Variants in SCYL2 observed in about 807,000 individuals in gnomAD.
SCYL2 encodes SCY1-like protein 2.
A neutral mutation model predicts 100.4 loss-of-function variants in SCYL2; 36 were observed. That is an observed-to-expected ratio of 0.36 (90% CI 0.27 to 0.47). SCYL2 has a LOEUF of 0.47. Among genes scored for constraint, SCYL2 ranks in the 20% least tolerant of loss-of-function variants. The probability of loss-of-function intolerance (pLI) is 1.00; values close to 1 mark genes in which losing one functional copy is unlikely to be tolerated. For missense variants in SCYL2, 902 were observed against 1,083.9 expected (o/e 0.83, Z 2.36); for synonymous variants, 330 against 359.2 (o/e 0.92, Z 0.92).
At chr12:100,267,853 GC>G (rs1207286972) in intron 1 of SCYL2, 61 bp downstream of exon 1, 1 of 152,784 alleles carries the variant, frequency 6.5e-6, no homozygotes, top group African/African-American at 2.4e-5. Flanking sequence ...ACCAGCCAGG[GC>G]CCTGCCGCCC....
intron 4 of SCYL2, among the ~76,000 whole-genome samples, chr12:100,301,295 T>G (rs1592946335): frequency 6.6e-6 from 1 of 152,250 alleles, no homozygotes; most frequent in Non-Finnish European, 1.5e-5. Flanking sequence ...TTTGTATGTC[T>G]TCTTTTGAGA....
chr12:100,290,742 G>C (rs1485912120), intron 2 of SCYL2, among the ~76,000 whole-genome samples: 1 of 152,092 alleles, frequency 6.6e-6, no homozygotes, highest in Non-Finnish European at 1.5e-5. Context: ...TTCGTTTCCA[G>C]TTTATTTTGC....
chr12:100,267,223 C>A lies in SCYL2; in HGVS notation c.-598C>A. On this transcript the variant is annotated 5_prime_UTR_variant, in exon 1 of 18. Transcript: ENST00000360820. Reference sequence around the variant, plus strand: ...CTCTTCGTCCCCGGTCCCTCCCCTCCCCACCCCTTTCCTTCTAGCTCCGAC... The same window carrying A: ...CTCTTCGTCCCCGGTCCCTCCCCTCACCACCCCTTTCCTTCTAGCTCCGAC... The A allele has an allele frequency of 1.2e-6, 1 of 832,904 alleles. No individual in the cohort carries two copies. Among genetic ancestry groups the A allele is most frequent in the Non-Finnish European group, 1.8e-6 (1 of 550,682 alleles). 51.6% of individuals were successfully genotyped at this position (832,904 alleles called of 1,614,324 possible). A position where few individuals can be genotyped will look rare whatever the true frequency, so the allele number is the denominator to read the frequency against.
chr12:100,300,131 A>G (rs1205938805), intron 4 of SCYL2, among the ~76,000 whole-genome samples: 4 of 152,100 alleles, frequency 2.6e-5, no homozygotes, highest in African/African-American at 7.2e-5. Context: ...GCATCTTTTC[A>G]TATGCTTCTT....
At chr12:100,311,817 T>C (rs921393435) in intron 5 of SCYL2, among the ~76,000 whole-genome samples, 1 of 152,164 alleles carries the variant, frequency 6.6e-6, no homozygotes, top group African/African-American at 2.4e-5. Context: ...TGCCTTGTAT[T>C]GATTGGGTCT....
At position 100,326,882 on chromosome 12, in the gene SCYL2, C is replaced by T. The variant is rs537831294; in HGVS notation, c.1642+128C>T. 7.1e-6 allele frequency: 5 copies of T among 701,958 alleles called. No homozygotes were observed. In the East Asian group the frequency reaches 1.2e-4, roughly 17 times the overall value. The allele number at this position is 701,958 out of a possible 1,614,324, so 43.5% of individuals were successfully genotyped here. On this transcript the variant is annotated intron_variant, in intron 12 of 17. Coordinates refer to ENST00000360820, the MANE Select transcript of SCYL2 (RefSeq NM_017988.6). The stretch of plus-strand genomic sequence containing the variant: ...AATTGAAGAATGATGTGATAAATAC[C>T]ATAATATAACTTTTCTCTTTAAGTT...
chr12:100,271,682 G>A lies in SCYL2; in HGVS notation c.-29+3890G>A, dbSNP rs77751835. Among the ~76,000 whole-genome samples, 1,304 of 152,274 alleles carry A rather than the reference G, an allele frequency of 8.6e-3. 15 individuals carry two copies. The highest frequency in any genetic ancestry group is 0.03 in the African/African-American group (1,250 of 41,562). The stretch of plus-strand genomic sequence containing the variant: ...GAAAGTTATTAAATGTAACTTCATT[G>A]CCAGATGTAATTACGGTAAGCCTTT... On this transcript the variant is annotated intron_variant, in intron 1 of 17. Transcript: ENST00000360820.
At chr12:100,335,769 T>G in intron 15 of SCYL2, 42 bp from the exon 16 acceptor site, 1 of 1,598,214 alleles carries the variant, frequency 6.3e-7, no homozygotes, top group Non-Finnish European at 8.6e-7. Context: ...AAATCACATT[T>G]TTATTGAACT....
intron 1 of SCYL2, among the ~76,000 whole-genome samples, chr12:100,276,625 A>G (rs984326690): frequency 6.6e-6 from 1 of 152,166 alleles, no homozygotes; most frequent in Non-Finnish European, 1.5e-5. Context: ...AGCATGAGTC[A>G]TTGCACCTTG....
At chr12:100,297,733 TTTGAACAAGGTGG>T (rs529353955) in intron 3 of SCYL2, among the ~76,000 whole-genome samples, 403 of 152,332 alleles carry the variant, frequency 2.6e-3, no homozygotes, top group South Asian at 0.013. Flanking sequence ...ATATCAATCA[TTTGAACAAGGTGG>T]TTGAACAAGG....
intron 5 of SCYL2, among the ~76,000 whole-genome samples, chr12:100,311,891 T>A (rs1385762855): frequency 1.3e-5 from 2 of 152,224 alleles, no homozygotes; most frequent in Non-Finnish European, 2.9e-5. Context: ...GTTTTTCTTA[T>A]ATGTAGTCGT....
chr12:100,306,721 A>G (rs1238188559), intron 4 of SCYL2, among the ~76,000 whole-genome samples: 2 of 152,266 alleles, frequency 1.3e-5, no homozygotes, highest in Non-Finnish European at 2.9e-5. Flanking sequence ...CTGTTTGCAG[A>G]TGACATGATG....
intron 1 of SCYL2, among the ~76,000 whole-genome samples, chr12:100,276,007 C>A (rs1157264354): frequency 6.6e-6 from 1 of 151,978 alleles, no homozygotes; most frequent in African/African-American, 2.4e-5. Context: ...ACATTGCATT[C>A]CTGAAGTGAA....
At chr12:100,338,421 T>G in intron 17 of SCYL2, 107 bp from the exon 18 acceptor site, 56 of 998,572 alleles carry the variant, frequency 5.6e-5, no homozygotes, top group Non-Finnish European at 7.3e-5. Flanking sequence ...TGTAGACCAT[T>G]GAGCTTAATT....
At chr12:100,319,431 A>C in intron 10 of SCYL2, 1 of 313,374 alleles carries the variant, frequency 3.2e-6, no homozygotes, top group South Asian at 2.8e-5. Flanking sequence ...AGTGACATGA[A>C]ATCCATTTTT....
intron 9 of SCYL2, among the ~76,000 whole-genome samples, chr12:100,316,073 G>A (rs1039283355): frequency 1.3e-5 from 2 of 152,082 alleles, no homozygotes; most frequent in African/African-American, 4.8e-5. Context: ...TTTTTCTCTT[G>A]CACTTTGAAG....
intron 1 of SCYL2, 141 bp from the exon 2 acceptor site, chr12:100,282,801 TA>T: frequency 2.5e-6 from 1 of 404,846 alleles, no homozygotes. Context: ...TCTCTGAAGA[TA>T]AAACCAACAT....
At chr12:100,273,078 A>G (rs1206716084) in intron 1 of SCYL2, among the ~76,000 whole-genome samples, 1 of 152,020 alleles carries the variant, frequency 6.6e-6, no homozygotes, top group Admixed American at 6.6e-5. Flanking sequence ...CCTTTAGTAT[A>G]TCTTTCACTC....
At chr12:100,320,829 G>A (rs949025474) in intron 10 of SCYL2, among the ~76,000 whole-genome samples, 2 of 152,054 alleles carry the variant, frequency 1.3e-5, no homozygotes, top group African/African-American at 2.4e-5. Flanking sequence ...AGCTCCTTAC[G>A]GGAACATAGG....
Sources: gnomAD v4.1 joint callset for allele counts (sites outside exome capture counted in the v4.1 genomes callset) on GRCh38, gnomAD v4.1.1 for gene constraint, MANE v1.5 for transcripts, NCBI Gene and HGNC (gene_info 2026-07-23, HGNC 2026-07-21) for gene names.